The following CAPN9 variants were observed in gnomAD, a reference collection of about 807,000 sequenced individuals.
The protein encoded by CAPN9 is calpain-9.
In CAPN9, 81 loss-of-function variants were observed where a neutral mutation model predicts 92.8. The ratio of observed to expected loss-of-function variants is 0.87; its 90% CI spans 0.73 to 1.05. The LOEUF (loss-of-function observed/expected upper bound fraction) is 1.05, where lower values mean the gene tolerates loss of function less well. Ranked by LOEUF, CAPN9 falls within the 50% of genes least tolerant of loss-of-function variation. The pLI, the probability that CAPN9 is intolerant of heterozygous loss-of-function variation, is 0.00. For synonymous variants in CAPN9, 304 were observed against 328.0 expected (o/e 0.93, Z 0.79); for missense variants, 848 against 866.2 (o/e 0.98, Z 0.26).
At chr1:230,798,470 G>A (rs1049979236) in intron 19 of CAPN9, among the ~76,000 whole-genome samples, 9 of 152,236 alleles carry the variant, frequency 5.9e-5, no homozygotes, top group African/African-American at 2.2e-4. Context: ...GGCATAGAGA[G>A]ATTAATCACC....
At chr1:230,779,208 C>T (rs1269415913) in intron 9 of CAPN9, 75 bp downstream of exon 9, 2 of 1,406,024 alleles carry the variant, frequency 1.4e-6, no homozygotes, top group Non-Finnish European at 9.8e-7. Context: ...AGGATAAGGG[C>T]CGGGTCCTCA....
chr1:230,755,975 TG>T (rs1665199104), intron 2 of CAPN9, among the ~76,000 whole-genome samples: 1 of 152,134 alleles, frequency 6.6e-6, no homozygotes, highest in African/African-American at 2.4e-5. Flanking sequence ...TGAACCTGAG[TG>T]CACCTCAAGT....
At chr1:230,767,777 G>A (rs1163657010) in intron 5 of CAPN9, 68 bp downstream of exon 5, 1 of 1,465,948 alleles carries the variant, frequency 6.8e-7, no homozygotes, top group Non-Finnish European at 9.3e-7. Context: ...CAGGCACTAT[G>A]CTGGGGCTGT....
chr1:230,793,694 G>C (rs997193893), intron 17 of CAPN9, among the ~76,000 whole-genome samples: 1 of 152,226 alleles, frequency 6.6e-6, no homozygotes, highest in African/African-American at 2.4e-5. Context: ...AACATGTCCA[G>C]GCTCAGGCCT....
chr1:230,751,259 G>A (rs1429729593), intron 1 of CAPN9, among the ~76,000 whole-genome samples: 3 of 152,166 alleles, frequency 2.0e-5, no homozygotes, highest in Non-Finnish European at 2.9e-5. Context: ...GTTGTTCTGG[G>A]ACAGCCCCAA....
intron 4 of CAPN9, among the ~76,000 whole-genome samples, chr1:230,765,863 G>A (rs1443619555): frequency 6.6e-6 from 1 of 151,984 alleles, no homozygotes; most frequent in East Asian, 1.9e-4. Context: ...ATTTTTTCAT[G>A]CGGCCTTCAC....
At chr1:230,747,838 C>G in intron 1 of CAPN9, 129 bp downstream of exon 1, 2 of 801,620 alleles carry the variant, frequency 2.5e-6, no homozygotes, top group Admixed American at 4.3e-5. Context: ...TCATCCCAGT[C>G]TACCGTGGAA....
At position 230,780,486 on chromosome 1, in the gene CAPN9, C is replaced by T; in HGVS notation, c.1273-14C>T. ...ACTTCCCTAGGAAACCCCTCCCTTT[C>T]TTGCCCATTGCAGTGCCCTGACAAA... On this transcript the variant is annotated splice_polypyrimidine_tract_variant and intron_variant, in intron 10 of 19. Coordinates refer to ENST00000271971, the MANE Select transcript of CAPN9 (RefSeq NM_006615.3). The T allele has an allele frequency of 6.2e-7, 1 of 1,613,280 alleles. No individual in the cohort carries two copies. The highest frequency in any genetic ancestry group is 1.1e-5 in the South Asian group (1 of 91,040).
Position 230,755,297 on chromosome 1 carries a change from C to T in CAPN9, c.214-40C>T, listed in dbSNP as rs573007858. 1.0e-5 allele frequency: 15 copies of T among 1,501,682 alleles called. No individual in the cohort carries two copies. The South Asian group carries it at 1.6e-4, about 16-fold the overall frequency. 93.0% of individuals were successfully genotyped at this position (1,501,682 alleles called of 1,614,324 possible). A position where few individuals can be genotyped will look rare whatever the true frequency, so the allele number is the denominator to read the frequency against. ...CCTACCCTTTCATAGTGGCTTGCAG[C>T]ATGGCAGGCCTCAGCCTAATAACAC... On this transcript the variant is annotated intron_variant, in intron 1 of 19. Transcript: ENST00000271971.
At chr1:230,774,738 T>TA in intron 8 of CAPN9, 107 bp downstream of exon 8, 18 of 452,810 alleles carry the variant, frequency 4.0e-5, no homozygotes, top group Non-Finnish European at 6.4e-5. Flanking sequence ...TTTCTTTCTT[T>TA]CTTTTTTTTT....
intron 6 of CAPN9, among the ~76,000 whole-genome samples, chr1:230,770,994 C>A (rs763994166): frequency 6.6e-6 from 1 of 152,174 alleles, no homozygotes; most frequent in Non-Finnish European, 1.5e-5. Context: ...CCTCCTTCAC[C>A]ATCCATAGAT....
At chr1:230,791,984 G>T in intron 15 of CAPN9, 56 bp downstream of exon 15, 1 of 1,261,548 alleles carries the variant, frequency 7.9e-7, no homozygotes, top group East Asian at 2.3e-5. Context: ...TTTAAGCACA[G>T]TAGAGTAATC....
rs748436760 is a variant in CAPN9 at position 230,779,105 on chromosome 1, C to T, written c.1086C>T (p.Ser362=). The T allele has an allele frequency of 3.7e-6, 6 of 1,612,658 alleles. No individual in the cohort carries two copies. The highest frequency in any genetic ancestry group is 1.3e-5 in the African/African-American group (1 of 74,882). Residue 362 remains serine, a synonymous_variant, in exon 9 of 20, where the codon TCC becomes TCT. Transcript: ENST00000271971. ...ATCAGGGAAGCTGGGTTCGCGGCTC[C>T]ACGGCTGGGGGCTGCCGCAATTTCC... ...TVHQGSWVRG[S]TAGGCRNFLD...
chr1:230,801,265 A>G (rs1042309026), intron 19 of CAPN9, among the ~76,000 whole-genome samples: 19 of 152,154 alleles, frequency 1.2e-4, no homozygotes, highest in African/African-American at 4.6e-4. Context: ...TGCCCTGCCC[A>G]AGATGCTTCA....
chr1:230,754,798 C>T (rs1462160662), intron 1 of CAPN9, among the ~76,000 whole-genome samples: 2 of 152,088 alleles, frequency 1.3e-5, no homozygotes, highest in Non-Finnish European at 2.9e-5. Context: ...CTGGGTGACA[C>T]AGCAAGATTC....
chr1:230,753,373 T>C lies in CAPN9; in HGVS notation c.214-1964T>C, dbSNP rs1004567908. Among the ~76,000 whole-genome samples the C allele has an allele frequency of 9.8e-5, 15 of 152,306 alleles. No individual in the cohort carries two copies. The East Asian group carries it at 2.7e-3, about 27-fold the overall frequency. On this transcript the variant is annotated intron_variant, in intron 1 of 19. Transcript: ENST00000271971. ...GTATTTTAGACACTAATGCCACACA[T>C]AGCTCTCCCTGGGCAGGCGCCCCTG...
intron 11 of CAPN9, among the ~76,000 whole-genome samples, chr1:230,785,696 C>A (rs545807268): frequency 6.6e-6 from 1 of 152,316 alleles, no homozygotes; most frequent in South Asian, 2.1e-4. Context: ...CCAATCAAAT[C>A]TCTTTTCTTT....
intron 11 of CAPN9, among the ~76,000 whole-genome samples, chr1:230,782,592 AC>A (rs1241178973): frequency 7.9e-5 from 12 of 152,236 alleles, no homozygotes; most frequent in Non-Finnish European, 1.8e-4. Context: ...TAGCAAAAAA[AC>A]ATGATTGCAT....
chr1:230,761,828 C>A (rs1665663258), intron 3 of CAPN9, among the ~76,000 whole-genome samples: 1 of 152,148 alleles, frequency 6.6e-6, no homozygotes, highest in African/African-American at 2.4e-5. Flanking sequence ...GTCCTTGACT[C>A]GTTCCAACCT....
Sources: gnomAD v4.1 joint callset for allele counts (sites outside exome capture counted in the v4.1 genomes callset) on GRCh38, gnomAD v4.1.1 for gene constraint, MANE v1.5 for transcripts, NCBI Gene and HGNC (gene_info 2026-07-23, HGNC 2026-07-21) for gene names.